Variants in ARHGAP22 observed in about 807,000 individuals in gnomAD.
ARHGAP22 encodes the protein rho GTPase-activating protein 22.
ARHGAP22 carries 48 observed loss-of-function variants against 59.1 expected under a neutral mutation model. That is an observed-to-expected ratio of 0.81 (90% CI 0.64 to 1.03). The LOEUF (loss-of-function observed/expected upper bound fraction) is 1.03, where lower values mean the gene tolerates loss of function less well. Ranked by LOEUF, ARHGAP22 falls within the 50% of genes least tolerant of loss-of-function variation. The pLI is 0.00. For missense variants in ARHGAP22, 1,015 were observed against 958.7 expected, an observed-to-expected ratio of 1.06 and a Z score of -0.78; for synonymous variants, 445 against 416.4, an observed-to-expected ratio of 1.07 and a Z score of -0.84.
intron 3 of ARHGAP22, among the ~76,000 whole-genome samples, chr10:48,553,223 G>A (rs1225029368): frequency 4.6e-5 from 7 of 152,226 alleles, no homozygotes; most frequent in East Asian, 1.9e-4. Context: ...ACCGCTCACC[G>A]CCCACCACCC....
At chr10:48,431,432 A>G in the ARHGAP22 span, among the ~76,000 whole-genome samples, 2 of 152,252 alleles carry the variant, frequency 1.3e-5, no homozygotes, top group African/African-American at 2.4e-5. Flanking sequence ...CTAATACATT[A>G]TACTAATATA....
chr10:48,520,731 G>A (rs2053726051), intron 3 of ARHGAP22, among the ~76,000 whole-genome samples: 2 of 152,094 alleles, frequency 1.3e-5, no homozygotes, highest in Non-Finnish European at 2.9e-5. Context: ...ACCTGGTCAT[G>A]GGCAAAACCC....
At chr10:48,471,060 C>T (rs2048183637) in intron 4 of ARHGAP22, among the ~76,000 whole-genome samples, 1 of 152,200 alleles carries the variant, frequency 6.6e-6, no homozygotes, top group Non-Finnish European at 1.5e-5. Context: ...GGATTTTTTT[C>T]CATGTCACAT....
chr10:48,482,663 CATA>C (rs551931080), intron 3 of ARHGAP22, among the ~76,000 whole-genome samples: 71 of 152,246 alleles, frequency 4.7e-4, no homozygotes, highest in African/African-American at 1.7e-3. Flanking sequence ...TTTATTGATA[CATA>C]ATATTTGTAC....
chr10:48,605,285 T>C (rs775801384), upstream of ARHGAP22, among the ~76,000 whole-genome samples: 1 of 151,870 alleles, frequency 6.6e-6, no homozygotes, highest in Non-Finnish European at 1.5e-5. Context: ...CCGCACTCCC[T>C]GCCAAGCCCG....
At chr10:48,481,801 T>C (rs1025741235) in intron 3 of ARHGAP22, among the ~76,000 whole-genome samples, 2 of 152,228 alleles carry the variant, frequency 1.3e-5, no homozygotes, top group African/African-American at 2.4e-5. Context: ...TCAGACTTTT[T>C]ACTTTTAGCC....
At chr10:48,532,466 C>T (rs916767079) in intron 3 of ARHGAP22, 1 of 152,132 alleles carries the variant, frequency 6.6e-6, no homozygotes, top group African/African-American at 2.4e-5. Context: ...ACACAACCTC[C>T]TCATTTTTCA....
At chr10:48,435,188 T>A in the ARHGAP22 span, 1 of 549,254 alleles carries the variant, frequency 1.8e-6, no homozygotes. Flanking sequence ...TTTCAAGTGA[T>A]GTAATTTAAA....
chr10:48,643,138 G>T (rs957670115), intron 1 of ARHGAP22, among the ~76,000 whole-genome samples: 1 of 152,204 alleles, frequency 6.6e-6, no homozygotes, highest in African/African-American at 2.4e-5. Flanking sequence ...TACACTGTTG[G>T]TGGGACTGTA....
intron 1 of ARHGAP22, among the ~76,000 whole-genome samples, chr10:48,598,574 A>G (rs1308953702): frequency 6.6e-6 from 1 of 152,076 alleles, no homozygotes; most frequent in Non-Finnish European, 1.5e-5. Flanking sequence ...GACGGGAAAC[A>G]CCATTGCTCC....
rs764902723 is a variant in ARHGAP22 at position 48,450,907 on chromosome 10, C to A, written c.1222G>T (p.Ala408Ser). 6.3e-7 allele frequency: 1 copy of A among 1,595,278 alleles called. No homozygotes were observed. Among genetic ancestry groups the A allele is most frequent in the Admixed American group, 1.7e-5 (1 of 57,804 alleles). Reference protein sequence around the residue: ...GAAVAVLSRTAPTGPGSRCSP... With the variant: ...GAAVAVLSRTSPTGPGSRCSP... Reference sequence around the variant, plus strand: ...CACCGGCTCCCCGGCCCCGTGGGGGCTGTTCTGGAGAGCACCGCCACGGCC... The same window carrying A: ...CACCGGCTCCCCGGCCCCGTGGGGGATGTTCTGGAGAGCACCGCCACGGCC... The change falls in exon 9 of 10, where the codon GCC becomes TCC. Residue 408 changes from alanine to serine, a missense_variant. By Grantham distance (99) the Ala-to-Ser change is moderately conservative. Transcript: ENST00000249601.
At chr10:48,480,048 T>C (rs1265886369) in intron 3 of ARHGAP22, among the ~76,000 whole-genome samples, 1 of 152,222 alleles carries the variant, frequency 6.6e-6, no homozygotes, top group African/African-American at 2.4e-5. Context: ...AAATAAAGCA[T>C]GCAGATGTTA....
At chr10:48,622,909 G>A (rs1378180192) in intron 1 of ARHGAP22, among the ~76,000 whole-genome samples, 2 of 152,184 alleles carry the variant, frequency 1.3e-5, no homozygotes. Context: ...GTGGGAGAGG[G>A]AAACATGCAG....
chr10:48,497,836 C>T (rs977277784), intron 3 of ARHGAP22, among the ~76,000 whole-genome samples: 18 of 152,338 alleles, frequency 1.2e-4, no homozygotes, highest in African/African-American at 3.8e-4. Flanking sequence ...CAGGGCAGCA[C>T]TGCAGTGGGC....
chr10:48,449,427 G>T (rs1284533004), intron 9 of ARHGAP22, among the ~76,000 whole-genome samples: 13 of 152,214 alleles, frequency 8.5e-5, no homozygotes, highest in Admixed American at 8.5e-4. Context: ...GAGCAAAAGG[G>T]CAAGGGCTGC....
At chr10:48,526,863 A>G (rs961193607) in intron 3 of ARHGAP22, among the ~76,000 whole-genome samples, 1 of 152,252 alleles carries the variant, frequency 6.6e-6, no homozygotes, top group African/African-American at 2.4e-5. Flanking sequence ...GCAGTTCAGC[A>G]GACAAATAGG....
At position 48,489,730 on chromosome 10, in the gene ARHGAP22, C is replaced by CTTTT. The variant is rs377099863; in HGVS notation, c.323-9970_323-9967dup. The stretch of plus-strand genomic sequence containing the variant: ...ACATGACAGACTTCTGAGGCTGCCT[C>CTTTT]TTTTTTTTTTTTTTTTTTTTTGAGA... On this transcript the variant is annotated intron_variant, in intron 3 of 9. Transcript: ENST00000249601. Among the ~76,000 whole-genome samples the CTTTT allele has an allele frequency of 4.1e-4, 49 of 119,580 alleles. 1 individual carries two copies. The highest frequency in any genetic ancestry group is 7.8e-4 in the African/African-American group (24 of 30,924). The allele number at this position is 119,580 out of a possible 152,430, so 78.4% of individuals were successfully genotyped here. A position where few individuals can be genotyped will look rare whatever the true frequency, so the allele number is the denominator to read the frequency against.
chr10:48,623,532 A>C (rs2061351177), intron 1 of ARHGAP22, among the ~76,000 whole-genome samples: 1 of 152,250 alleles, frequency 6.6e-6, no homozygotes, highest in Non-Finnish European at 1.5e-5. Context: ...GGAAGTGGCC[A>C]TGAAAACTGA....
At chr10:48,451,326 G>T in intron 8 of ARHGAP22, 186 bp from the exon 9 acceptor site, 1 of 829,624 alleles carries the variant, frequency 1.2e-6, no homozygotes, top group Non-Finnish European at 2.0e-6. Context: ...AGGCAGGACA[G>T]CAGGATGGGG....
Sources: allele counts gnomAD v4.1 joint callset (sites outside exome capture counted in the v4.1 genomes callset), GRCh38; gene constraint gnomAD v4.1.1; transcripts MANE v1.5; gene names NCBI Gene and HGNC (gene_info 2026-07-23, HGNC 2026-07-21).